Variants in PRRG4 observed in about 807,000 individuals in gnomAD.
PRRG4 encodes proline rich and Gla domain 4, also known as transmembrane gamma-carboxyglutamic acid protein 4.
Under a neutral mutation model 20.0 loss-of-function variants are expected in PRRG4, and 12 were observed. That is an observed-to-expected ratio of 0.60 (90% CI 0.38 to 0.97). PRRG4 has a LOEUF of 0.97. Ranked by LOEUF, PRRG4 falls within the 50% of genes least tolerant of loss-of-function variation. The pLI is 0.00. For synonymous variants in PRRG4, 94 were observed against 96.4 expected, an observed-to-expected ratio of 0.98 and a Z score of 0.15; for missense variants, 199 against 265.1, an observed-to-expected ratio of 0.75 and a Z score of 1.73.
Position 32,853,932 on chromosome 11 carries a change from G to A in PRRG4, c.*405G>A. The A allele has an allele frequency of 5.5e-6, 1 of 181,978 alleles. No individual in the cohort carries two copies. The highest frequency in any genetic ancestry group is 1.2e-5 in the Non-Finnish European group (1 of 85,356). 11.3% of individuals were successfully genotyped at this position (181,978 alleles called of 1,614,324 possible). ...AGAAGGAGAAGAAGAAGAAGAAGAAGACCACAAAAGACATGACTATCCAAC... is the reference window on the plus strand; with the variant it reads ...AGAAGGAGAAGAAGAAGAAGAAGAAAACCACAAAAGACATGACTATCCAAC... On this transcript the variant is annotated 3_prime_UTR_variant, in exon 6 of 6. Coordinates refer to ENST00000257836, the MANE Select transcript of PRRG4 (RefSeq NM_024081.6).
Position 32,853,535 on chromosome 11 carries a change from G to T in PRRG4, c.*8G>T. 1 of 1,600,474 alleles carries T rather than the reference G, an allele frequency of 6.2e-7. No individual in the cohort carries two copies. Among genetic ancestry groups the T allele is most frequent in the Non-Finnish European group, 8.5e-7 (1 of 1,169,798 alleles). On this transcript the variant is annotated 3_prime_UTR_variant, in exon 6 of 6. Coordinates refer to ENST00000257836, the MANE Select transcript of PRRG4 (RefSeq NM_024081.6). ...TCTCTCCCATCTCACTGACTACCTT[G>T]TCATTTTGGTATAAGAAATTTGTGT...
intron 5 of PRRG4, among the ~76,000 whole-genome samples, chr11:32,845,408 G>A (rs1851119415): frequency 1.3e-5 from 2 of 152,054 alleles, no homozygotes; most frequent in Admixed American, 1.3e-4. Context: ...GGCGGATCAC[G>A]AAGTCAGGAG....
Position 32,855,859 on chromosome 11 carries a change from C to T in PRRG4, c.*2332C>T, listed in dbSNP as rs1459421746. 6.6e-6 allele frequency: 1 copy of T among 152,164 alleles called. No individual in the cohort carries two copies. The highest frequency in any genetic ancestry group is 2.4e-5 in the African/African-American group (1 of 41,442). 9.4% of individuals were successfully genotyped at this position (152,164 alleles called of 1,614,324 possible). On this transcript the variant is annotated 3_prime_UTR_variant, in exon 6 of 6. Transcript: ENST00000257836. The stretch of plus-strand genomic sequence containing the variant: ...GGGCTACAGGCAAATTCTACTTTGC[C>T]ATAATCACACTAAGGCATGGAAGAA...
intron 3 of PRRG4, among the ~76,000 whole-genome samples, chr11:32,838,156 C>T (rs1851041459): frequency 6.6e-6 from 1 of 152,048 alleles, no homozygotes; most frequent in East Asian, 1.9e-4. Context: ...TCAATAAATA[C>T]CTTTCAATAA....
rs1851222198 is a variant in PRRG4 at position 32,855,483 on chromosome 11, C to T, written c.*1956C>T. The T allele has an allele frequency of 6.6e-6, 1 of 152,168 alleles. No individual in the cohort carries two copies. Among genetic ancestry groups the T allele is most frequent in the Non-Finnish European group, 1.5e-5 (1 of 68,018 alleles). The allele number at this position is 152,168 out of a possible 1,614,324, so 9.4% of individuals were successfully genotyped here. On this transcript the variant is annotated 3_prime_UTR_variant, in exon 6 of 6. Transcript: ENST00000257836. ...TTACAGGAGTGAGACTGCAAACCCA[C>T]ATGTTTGATAGTTCCTACCAAATTA...
At chr11:32,830,223 G>T in intron 1 of PRRG4, 50 bp downstream of exon 1, 1 of 1,071,496 alleles carries the variant, frequency 9.3e-7, no homozygotes, top group South Asian at 4.4e-5. Flanking sequence ...TACCTGGAAG[G>T]GGCCACCTCG....
intron 2 of PRRG4, among the ~76,000 whole-genome samples, chr11:32,834,464 T>C (rs965699643): frequency 5.3e-5 from 8 of 152,186 alleles, no homozygotes; most frequent in African/African-American, 1.9e-4. Context: ...TATCACCAAT[T>C]ATCCCATTGT....
Position 32,857,243 on chromosome 11 carries a change from C to G in PRRG4, c.*3716C>G, listed in dbSNP as rs920150052. 1 of 152,196 alleles carries G rather than the reference C, an allele frequency of 6.6e-6. No individual in the cohort carries two copies. Among genetic ancestry groups the G allele is most frequent in the Admixed American group, 6.6e-5 (1 of 15,246 alleles). 9.4% of individuals were successfully genotyped at this position (152,196 alleles called of 1,614,324 possible). A position where few individuals can be genotyped will look rare whatever the true frequency, so the allele number is the denominator to read the frequency against. ...CATGGCTCACTGCAACCTCCGCCTC[C>G]CAGGTTCAAGGATTTCTCCTGCCTC... is the stretch of plus-strand genomic sequence containing the variant. On this transcript the variant is annotated 3_prime_UTR_variant, in exon 6 of 6. Coordinates refer to ENST00000257836, the MANE Select transcript of PRRG4 (RefSeq NM_024081.6).
Position 32,852,939 on chromosome 11 carries a change from A to ATT in PRRG4, c.450-336_450-335dup, listed in dbSNP as rs34615143. On this transcript the variant is annotated intron_variant, in intron 5 of 5. Coordinates refer to ENST00000257836, the MANE Select transcript of PRRG4 (RefSeq NM_024081.6). Reference sequence around the variant, plus strand: ...AGGCACCCGCCACCATGCCCGGCTAATTTTTTTTTTTTTTTTTTTTTTGTA... The same window carrying ATT: ...AGGCACCCGCCACCATGCCCGGCTAATTTTTTTTTTTTTTTTTTTTTTTTGTA... 8.5e-3 allele frequency among the ~76,000 whole-genome samples: 846 copies of ATT among 99,112 alleles called. 19 individuals carry two copies. Among genetic ancestry groups the ATT allele is most frequent in the African/African-American group, 0.032 (788 of 24,406 alleles). 65.0% of individuals were successfully genotyped at this position (99,112 alleles called of 152,430 possible).
chr11:32,854,537 G>T lies in PRRG4; in HGVS notation c.*1010G>T, dbSNP rs958848795. The stretch of plus-strand genomic sequence containing the variant: ...TGTGCCATTGCACTCCAACCTGGGC[G>T]ACAGAGTGAGACTCCATCTCAAAAA... On this transcript the variant is annotated 3_prime_UTR_variant, in exon 6 of 6. Transcript: ENST00000257836. 7.3e-6 allele frequency: 1 copy of T among 136,088 alleles called. No individual in the cohort carries two copies. Among genetic ancestry groups the T allele is most frequent in the African/African-American group, 2.8e-5 (1 of 35,908 alleles). The allele number at this position is 136,088 out of a possible 1,614,324, so 8.4% of individuals were successfully genotyped here.
rs1325646129 is a variant in PRRG4 at position 32,853,288 on chromosome 11, C to T, written c.450-8C>T. The stretch of plus-strand genomic sequence containing the variant: ...TTTCCTAGACCTAAATGTTGTCTCT[C>T]TGCTTAGCTCTTCAGCCGTCTATGA... On this transcript the variant is annotated splice_polypyrimidine_tract_variant and splice_region_variant and intron_variant, in intron 5 of 5. Transcript: ENST00000257836. The T allele has an allele frequency of 1.9e-6, 3 of 1,606,010 alleles. No individual in the cohort carries two copies. Among genetic ancestry groups the T allele is most frequent in the Non-Finnish European group, 2.6e-6 (3 of 1,172,786 alleles).
chr11:32,837,542 ATTATTATTAT>A (rs1227171151), intron 3 of PRRG4, among the ~76,000 whole-genome samples: 2 of 72,444 alleles, frequency 2.8e-5, no homozygotes, highest in African/African-American at 1.1e-4. Flanking sequence ...GATGATGATG[ATTATTATTAT>A]TATTATTATT....
chr11:32,849,460 C>T (rs1343117573), intron 5 of PRRG4, among the ~76,000 whole-genome samples: 3 of 151,958 alleles, frequency 2.0e-5, no homozygotes, highest in South Asian at 2.1e-4. Flanking sequence ...GTCAGGAGTT[C>T]GAGACCAGCC....
At chr11:32,847,070 A>AAT (rs1267105065) in intron 5 of PRRG4, among the ~76,000 whole-genome samples, 1 of 152,056 alleles carries the variant, frequency 6.6e-6, no homozygotes, top group Non-Finnish European at 1.5e-5. Context: ...GTGCTGAAGA[A>AAT]ATATATGTAT....
At position 32,844,638 on chromosome 11, in the gene PRRG4, T is replaced by C. The variant is rs190701848; in HGVS notation, c.449+4399T>C. 3.2e-4 allele frequency among the ~76,000 whole-genome samples: 49 copies of C among 152,042 alleles called. No individual in the cohort carries two copies. The East Asian group carries it at 8.9e-3, about 28-fold the overall frequency. ...GCCTCAGCCTCCCAAGTAGCTGAGA[T>C]TACAGGCATCTGCCACCATGCCCAG... On this transcript the variant is annotated intron_variant, in intron 5 of 5. Transcript: ENST00000257836.
At chr11:32,852,667 A>G (rs768210119) in intron 5 of PRRG4, among the ~76,000 whole-genome samples, 1 of 151,500 alleles carries the variant, frequency 6.6e-6, no homozygotes, top group East Asian at 1.9e-4. Context: ...ACACAAACCA[A>G]CTCTGTGGAG....
rs572343960 is a variant in PRRG4, at chr11:32,854,135, CAA to C, written c.*615_*616del. The C allele has an allele frequency of 2.6e-5, 4 of 151,878 alleles. No individual in the cohort carries two copies. The highest frequency in any genetic ancestry group is 5.9e-5 in the Non-Finnish European group (4 of 68,102). 9.4% of individuals were successfully genotyped at this position (151,878 alleles called of 1,614,324 possible). ...TTTTGTAATGTTTGTTTTAATGGTT[CAA>C]AAAAAATCTTTCTTATAAAGAGCAT... On this transcript the variant is annotated 3_prime_UTR_variant, in exon 6 of 6. Transcript: ENST00000257836.
intron 5 of PRRG4, among the ~76,000 whole-genome samples, chr11:32,845,179 A>G (rs1243904468): frequency 6.6e-6 from 1 of 152,182 alleles, no homozygotes; most frequent in Non-Finnish European, 1.5e-5. Context: ...TGCTAACCAT[A>G]TACTGTACAC....
rs1491396211 is a variant in PRRG4, at chr11:32,837,535, G to GATT, written c.267+716_267+717insTAT. Among the ~76,000 whole-genome samples the GATT allele has an allele frequency of 7.9e-3, 813 of 103,282 alleles. 4 individuals are homozygous for GATT. The highest frequency in any genetic ancestry group is 0.013 in the East Asian group (45 of 3,428). The allele number at this position is 103,282 out of a possible 152,430, so 67.8% of individuals were successfully genotyped here. A position where few individuals can be genotyped will look rare whatever the true frequency, so the allele number is the denominator to read the frequency against. ...TGATGATGATGATGATGATGATGAT[G>GATT]ATGATGATTATTATTATTATTATTA... On this transcript the variant is annotated intron_variant, in intron 3 of 5. Coordinates refer to ENST00000257836, the MANE Select transcript of PRRG4 (RefSeq NM_024081.6).
Sources: gnomAD v4.1 joint callset for allele counts (sites outside exome capture counted in the v4.1 genomes callset) on GRCh38, gnomAD v4.1.1 for gene constraint, MANE v1.5 for transcripts, NCBI Gene and HGNC (gene_info 2026-07-23, HGNC 2026-07-21) for gene names.